Variants in TBC1D5 observed in about 807,000 individuals in gnomAD.
TBC1D5 encodes TBC1 domain family member 5.
Under a neutral mutation model 100.3 loss-of-function variants are expected in TBC1D5, and 75 were observed. That is an observed-to-expected ratio of 0.75 (90% CI 0.62 to 0.91). The LOEUF (loss-of-function observed/expected upper bound fraction) is 0.91. TBC1D5 is among the 40% of genes least tolerant of loss of function. The pLI, the probability that TBC1D5 is intolerant of heterozygous loss-of-function variation, is 0.00. For missense variants in TBC1D5, 910 were observed against 942.4 expected (o/e 0.97, Z 0.45); for synonymous variants, 323 against 325.6 (o/e 0.99, Z 0.09).
intron 17 of TBC1D5, among the ~76,000 whole-genome samples, 180 bp from the exon 19 acceptor site, chr3:17,214,550 T>A (rs1350180564): frequency 6.6e-6 from 1 of 151,870 alleles, no homozygotes; most frequent in African/African-American, 2.4e-5. Context: ...CCACTGGTTT[T>A]CAAAAAAACA....
At chr3:17,394,210 AT>A (rs2093437040) in intron 8 of TBC1D5, among the ~76,000 whole-genome samples, 1 of 152,268 alleles carries the variant, frequency 6.6e-6, no homozygotes, top group Admixed American at 6.5e-5. Flanking sequence ...TTTAGTCTCC[AT>A]CACTTTTTGA....
At chr3:17,481,893 A>G (rs1012610055) in intron 3 of TBC1D5, among the ~76,000 whole-genome samples, 1 of 152,152 alleles carries the variant, frequency 6.6e-6, no homozygotes, top group Non-Finnish European at 1.5e-5. Flanking sequence ...GGCATGTGCC[A>G]CCACGCCTGG....
intron 13 of TBC1D5, among the ~76,000 whole-genome samples, chr3:17,335,666 C>T (rs532465597): frequency 1.3e-5 from 2 of 152,088 alleles, no homozygotes; most frequent in East Asian, 1.9e-4. Context: ...AGTTAAGAAT[C>T]GAAACAATGA....
At chr3:17,320,368 G>C (rs951480054) in intron 13 of TBC1D5, among the ~76,000 whole-genome samples, 1 of 152,146 alleles carries the variant, frequency 6.6e-6, no homozygotes, top group Non-Finnish European at 1.5e-5. Flanking sequence ...AGAAGCTCTA[G>C]GCAAAGTTCA....
At chr3:17,736,138 G>A (rs1451821946) in intron 1 of TBC1D5, among the ~76,000 whole-genome samples, 4 of 152,164 alleles carry the variant, frequency 2.6e-5, no homozygotes, top group Non-Finnish European at 5.9e-5. Context: ...AAAGGCAGAT[G>A]CAGTCACCTT....
chr3:17,582,337 A>G (rs2096703828), intron 2 of TBC1D5, among the ~76,000 whole-genome samples: 1 of 152,234 alleles, frequency 6.6e-6, no homozygotes, highest in Non-Finnish European at 1.5e-5. Flanking sequence ...TTTAAACTAT[A>G]AACATATACC....
intron 13 of TBC1D5, among the ~76,000 whole-genome samples, chr3:17,353,994 C>G (rs2090930348): frequency 6.6e-6 from 1 of 152,046 alleles, no homozygotes; most frequent in Non-Finnish European, 1.5e-5. Flanking sequence ...ACAGTACATA[C>G]TGATGATTTT....
At chr3:17,253,179 T>A (rs1373971239) in intron 16 of TBC1D5, among the ~76,000 whole-genome samples, 1 of 152,256 alleles carries the variant, frequency 6.6e-6, no homozygotes, top group Non-Finnish European at 1.5e-5. Context: ...GACTGTATTT[T>A]TTTCAGATGT....
intron 1 of TBC1D5, among the ~76,000 whole-genome samples, chr3:17,672,864 G>A (rs2153788842): frequency 6.6e-6 from 1 of 152,286 alleles, no homozygotes; most frequent in Non-Finnish European, 1.5e-5. Flanking sequence ...GCCCTACAGA[G>A]CTCCATGAAT....
chr3:17,239,630 T>C (rs1453418828), intron 16 of TBC1D5, among the ~76,000 whole-genome samples: 4 of 152,172 alleles, frequency 2.6e-5, no homozygotes, highest in Non-Finnish European at 4.4e-5. Flanking sequence ...CAAAGGTCTA[T>C]TCTTATTTGA....
intron 1 of TBC1D5, among the ~76,000 whole-genome samples, chr3:17,634,375 T>C (rs73165798): frequency 0.051 from 7,801 of 152,080 alleles, 611 homozygotes; most frequent in African/African-American, 0.17. Context: ...ATATAAACAA[T>C]GGAGTACTAT....
Position 17,333,107 on chromosome 3 carries a change from C to T in TBC1D5, c.996-24973G>A, listed in dbSNP as rs115218466. On this transcript the variant is annotated intron_variant, in intron 13 of 21. Transcript: ENST00000253692. ...GTGTCACATAGTGCTGGAGCTGCTGCGTAAGGGTATCGAAGTCAATGGCCA... is the reference window on the plus strand; with the variant it reads ...GTGTCACATAGTGCTGGAGCTGCTGTGTAAGGGTATCGAAGTCAATGGCCA... 4.4e-3 allele frequency: 677 copies of T among 152,348 alleles called. 4 individuals carry two copies. Among genetic ancestry groups the T allele is most frequent in the Middle Eastern group, 6.8e-3 (2 of 296 alleles). 9.4% of individuals were successfully genotyped at this position (152,348 alleles called of 1,614,324 possible).
At chr3:17,422,046 A>G (rs1362813735) in intron 4 of TBC1D5, among the ~76,000 whole-genome samples, 1 of 152,218 alleles carries the variant, frequency 6.6e-6, no homozygotes, top group African/African-American at 2.4e-5. Context: ...TAGAAACTTA[A>G]GAGGACTGAG....
At chr3:17,599,310 C>CA (rs2060780053) in intron 2 of TBC1D5, among the ~76,000 whole-genome samples, 1 of 152,120 alleles carries the variant, frequency 6.6e-6, no homozygotes, top group Non-Finnish European at 1.5e-5. Context: ...TAAAACCCCC[C>CA]AAACTCCACT....
chr3:17,371,735 T>A (rs2092469412), intron 13 of TBC1D5, among the ~76,000 whole-genome samples: 1 of 152,152 alleles, frequency 6.6e-6, no homozygotes, highest in Non-Finnish European at 1.5e-5. Context: ...TAGAAACTAC[T>A]ATATAATTAG....
intron 2 of TBC1D5, among the ~76,000 whole-genome samples, chr3:17,574,909 G>C (rs1462080918): frequency 6.6e-6 from 1 of 152,070 alleles, no homozygotes; most frequent in Non-Finnish European, 1.5e-5. Flanking sequence ...CAACAAGTGA[G>C]GACCACACTG....
At chr3:17,221,286 A>T (rs1315551576) in intron 17 of TBC1D5, among the ~76,000 whole-genome samples, 34 of 150,652 alleles carry the variant, frequency 2.3e-4, no homozygotes, top group Non-Finnish European at 2.4e-4. Flanking sequence ...TTTTTTTTTT[A>T]ATTTTATTAT....
chr3:17,400,380 A>G (rs971101608), intron 8 of TBC1D5, among the ~76,000 whole-genome samples: 1 of 152,186 alleles, frequency 6.6e-6, no homozygotes, highest in South Asian at 2.1e-4. Flanking sequence ...CTAAATTTAT[A>G]CAAGCTATTC....
intron 4 of TBC1D5, among the ~76,000 whole-genome samples, chr3:17,414,695 C>T (rs2094019541): frequency 6.6e-6 from 1 of 152,126 alleles, no homozygotes; most frequent in Non-Finnish European, 1.5e-5. Context: ...TCTATAATTA[C>T]CTCATTTTTA....
Sources: allele counts gnomAD v4.1 joint callset (sites outside exome capture counted in the v4.1 genomes callset), GRCh38; gene constraint gnomAD v4.1.1; transcripts MANE v1.5; gene names NCBI Gene and HGNC (gene_info 2026-07-23, HGNC 2026-07-21).